Variants in EML2 observed in about 807,000 individuals in gnomAD.
EML2 encodes EMAP like 2.
EML2 carries 59 observed loss-of-function variants against 84.7 expected under a neutral mutation model. The observed-to-expected ratio is 0.70, with a 90% confidence interval of 0.56 to 0.86. The LOEUF is 0.86. Ranked by LOEUF, EML2 falls within the 40% of genes least tolerant of loss-of-function variation. The pLI, the probability that EML2 is intolerant of heterozygous loss-of-function variation, is 0.00. For missense variants in EML2, 818 were observed against 855.6 expected (o/e 0.96, Z 0.55); for synonymous variants, 352 against 348.9 (o/e 1.01, Z -0.10).
At chr19:45,637,433 G>A (rs1973849311) in intron 3 of EML2, among the ~76,000 whole-genome samples, 1 of 149,372 alleles carries the variant, frequency 6.7e-6, no homozygotes, top group Non-Finnish European at 1.5e-5. Context: ...TTACAACAGT[G>A]TCTGTCAGAT....
At chr19:45,640,591 G>A (rs1306897400), upstream of EML2, 1 of 151,828 alleles carries the variant, frequency 6.6e-6, no homozygotes, top group Non-Finnish European at 1.5e-5. Context: ...GCCCATTTTT[G>A]TATTATTAAT....
chr19:45,632,922 A>G lies in EML2; in HGVS notation c.449T>C (p.Leu150Ser). ...RIWDSVSLST[L>S]HVLGLGVFDR... ...AAACACCCCCAAGCCCAGCACGTGTAAGGTGGAGAGGGAAACTGAGTCCCA... is the reference window on the plus strand; with the variant it reads ...AAACACCCCCAAGCCCAGCACGTGTGAGGTGGAGAGGGAAACTGAGTCCCA... The change falls in exon 6 of 19, where the codon TTA (leucine) becomes TCA (serine). Residue 150 changes from leucine (L) to serine (S), a missense_variant. By Grantham distance (145) the Leu-to-Ser change is moderately radical (BLOSUM62 -2). Coordinates refer to ENST00000245925, the MANE Select transcript of EML2 (RefSeq NM_012155.4). The G allele has an allele frequency of 6.2e-7, 1 of 1,614,202 alleles. No individual in the cohort carries two copies.
chr19:45,632,963 C>A lies in EML2; in HGVS notation c.408G>T (p.Pro136=). Residue 136 remains proline, a synonymous_variant, in exon 6 of 19, where the codon CCG becomes CCT. Transcript: ENST00000245925. ...CTGAGTCCCAGATGCGCACGTGGGG[C>A]GGCAGCGGCTGCAGGGAAGAGAGGC... ...AGTTKEGKPL[P]PHVRIWDSVS... 1 of 1,613,998 alleles carries A rather than the reference C, an allele frequency of 6.2e-7. No individual in the cohort carries two copies. Among genetic ancestry groups the A allele is most frequent in the South Asian group, 1.1e-5 (1 of 91,016 alleles).
chr19:45,621,023 T>C (rs1326395483), intron 11 of EML2, 184 bp downstream of exon 11: 18 of 927,828 alleles, frequency 1.9e-5, no homozygotes, highest in Non-Finnish European at 2.5e-5. Context: ...GCCCCTCTGC[T>C]GTGCTTGGAG....
At chr19:45,623,088 G>A (rs1329806200) in intron 9 of EML2, among the ~76,000 whole-genome samples, 9 of 151,140 alleles carry the variant, frequency 6.0e-5, no homozygotes, top group African/African-American at 2.2e-4. Flanking sequence ...GGCCGAGTGC[G>A]GTGGCTGATG....
At chr19:45,610,915 GA>G (rs1343823404) in intron 18 of EML2, among the ~76,000 whole-genome samples, 3 of 152,152 alleles carry the variant, frequency 2.0e-5, no homozygotes, top group African/African-American at 7.2e-5. Context: ...ATAAATAGAA[GA>G]AATAGCATGC....
intron 3 of EML2, among the ~76,000 whole-genome samples, chr19:45,637,338 G>A (rs1243041229): frequency 1.3e-5 from 2 of 152,166 alleles, no homozygotes; most frequent in African/African-American, 2.4e-5. Context: ...TATCTGGAAA[G>A]GAGGTATAAT....
Position 45,609,571 on chromosome 19 carries a change from G to T in EML2, c.*92C>A. The T allele has an allele frequency of 5.8e-5, 67 of 1,161,024 alleles. No individual in the cohort carries two copies. Among genetic ancestry groups the T allele is most frequent in the Non-Finnish European group, 6.6e-5 (57 of 859,086 alleles). 71.9% of individuals were successfully genotyped at this position (1,161,024 alleles called of 1,614,324 possible). A position where few individuals can be genotyped will look rare whatever the true frequency, so the allele number is the denominator to read the frequency against. ...CGCCCCCATAACCCCCTCTGCTATAGACATACTCTGGGTATATATTACTCT... is the reference window on the plus strand; with the variant it reads ...CGCCCCCATAACCCCCTCTGCTATATACATACTCTGGGTATATATTACTCT... On this transcript the variant is annotated 3_prime_UTR_variant, in exon 19 of 19. Transcript: ENST00000245925.
At chr19:45,612,120 A>G (rs1250680291) in intron 18 of EML2, among the ~76,000 whole-genome samples, 1 of 151,514 alleles carries the variant, frequency 6.6e-6, no homozygotes, top group Non-Finnish European at 1.5e-5. Flanking sequence ...AGTGGAGTGC[A>G]GTGGCGTGAT....
At chr19:45,645,128 C>T (rs11670462), upstream of EML2, 293,101 of 942,312 alleles carry the variant, frequency 0.31, 47,656 homozygotes, top group East Asian at 0.52. Flanking sequence ...GGACCTTGCT[C>T]TTGGGTCAGG....
chr19:45,619,302 C>T (rs946285935), intron 11 of EML2, 111 bp from the exon 12 acceptor site: 28 of 1,379,642 alleles, frequency 2.0e-5, no homozygotes, highest in South Asian at 1.9e-4. Flanking sequence ...CCTGCCCCAG[C>T]GGGACCCAGG....
chr19:45,616,743 G>A, intron 14 of EML2, 22 bp downstream of exon 14: 1 of 1,606,642 alleles, frequency 6.2e-7, no homozygotes, highest in Non-Finnish European at 8.5e-7. Flanking sequence ...TGCCGCTTGG[G>A]TGTCCCAGGC....
At chr19:45,635,321 T>C (rs1973591678) in intron 3 of EML2, among the ~76,000 whole-genome samples, 1 of 151,978 alleles carries the variant, frequency 6.6e-6, no homozygotes, top group Non-Finnish European at 1.5e-5. Context: ...GTATTTTTAG[T>C]AGAGATGGGG....
At chr19:45,611,226 A>G (rs984866616) in intron 18 of EML2, among the ~76,000 whole-genome samples, 1 of 151,926 alleles carries the variant, frequency 6.6e-6, no homozygotes. Flanking sequence ...CCTGACCAAT[A>G]TGGAGAAACC....
upstream of EML2, chr19:45,644,576 A>C: frequency 2.4e-6 from 1 of 411,312 alleles, no homozygotes; most frequent in Non-Finnish European, 5.0e-6. Flanking sequence ...CCACACCTCC[A>C]CCATCCCCAT....
intron 11 of EML2, 97 bp downstream of exon 11, chr19:45,621,110 T>C: frequency 6.7e-7 from 1 of 1,494,794 alleles, no homozygotes; most frequent in Non-Finnish European, 9.0e-7. Context: ...AGCAGGGAGG[T>C]GAGGAGAACT....
At chr19:45,643,329 A>C (rs535426553), upstream of EML2, among the ~76,000 whole-genome samples, 8 of 152,202 alleles carry the variant, frequency 5.3e-5, no homozygotes, top group Non-Finnish European at 8.8e-5. Flanking sequence ...AGCGCATGGC[A>C]GACCCAGAAG....
At chr19:45,614,525 G>C in intron 17 of EML2, 80 bp downstream of exon 17, 1 of 1,253,286 alleles carries the variant, frequency 8.0e-7, no homozygotes, top group East Asian at 2.3e-5. Context: ...GAGGTAAGCA[G>C]TAAGACTCTG....
At position 45,609,587 on chromosome 19, in the gene EML2, A is replaced by T; in HGVS notation, c.*76T>A. 2 of 1,472,048 alleles carry T rather than the reference A, an allele frequency of 1.4e-6. No homozygotes were observed. Among genetic ancestry groups the T allele is most frequent in the East Asian group, 2.5e-5 (1 of 39,302 alleles). The allele number at this position is 1,472,048 out of a possible 1,614,324, so 91.2% of individuals were successfully genotyped here. A position where few individuals can be genotyped will look rare whatever the true frequency, so the allele number is the denominator to read the frequency against. On this transcript the variant is annotated 3_prime_UTR_variant, in exon 19 of 19. Coordinates refer to ENST00000245925, the MANE Select transcript of EML2 (RefSeq NM_012155.4). ...TCTGCTATAGACATACTCTGGGTAT[A>T]TATTACTCTACTCGGCAATAGACAT...
Sources: allele counts gnomAD v4.1 joint callset (sites outside exome capture counted in the v4.1 genomes callset), GRCh38; gene constraint gnomAD v4.1.1; transcripts MANE v1.5; gene names NCBI Gene and HGNC (gene_info 2026-07-23, HGNC 2026-07-21).